The following GPR158 variants were observed in gnomAD, a reference collection of about 807,000 sequenced individuals.
GPR158 encodes the protein G protein-coupled receptor 158.
Under a neutral mutation model 78.2 loss-of-function variants are expected in GPR158, and 30 were observed. The ratio of observed to expected loss-of-function variants is 0.38; its 90% CI spans 0.29 to 0.52. The LOEUF (loss-of-function observed/expected upper bound fraction) is 0.52, where lower values mean the gene tolerates loss of function less well. Among genes scored for constraint, GPR158 ranks in the 20% least tolerant of loss-of-function variants. The pLI is 0.83. For missense variants in GPR158, 1,463 were observed against 1,523.5 expected (o/e 0.96, Z 0.66); for synonymous variants, 581 against 591.1 (o/e 0.98, Z 0.25).
rs111953710 is a variant in GPR158, at chr10:25,364,612, A to T, written c.1009-31299A>T. Among the ~76,000 whole-genome samples, 1,069 of 151,960 alleles carry T rather than the reference A, an allele frequency of 7.0e-3. 6 individuals are homozygous for T. Among genetic ancestry groups the T allele is most frequent in the Non-Finnish European group, 0.011 (769 of 67,878 alleles). On this transcript the variant is annotated intron_variant, in intron 2 of 10. Transcript: ENST00000376351. The stretch of plus-strand genomic sequence containing the variant: ...TATTATTTCTGATTCTGTATTCAGA[A>T]TGGTACTTTTAAGAGTTTCTCAGTG...
At chr10:25,316,935 A>AT (rs1854863111) in intron 2 of GPR158, among the ~76,000 whole-genome samples, 1 of 148,424 alleles carries the variant, frequency 6.7e-6, no homozygotes, top group Admixed American at 6.8e-5. Flanking sequence ...ATGTGTGTGT[A>AT]TATATATATA....
At chr10:25,538,471 A>G (rs1836529920) in intron 5 of GPR158, among the ~76,000 whole-genome samples, 1 of 152,122 alleles carries the variant, frequency 6.6e-6, no homozygotes, top group Non-Finnish European at 1.5e-5. Flanking sequence ...ACATATATAT[A>G]CACACAAATG....
At chr10:25,535,031 G>A (rs1836481665) in intron 5 of GPR158, among the ~76,000 whole-genome samples, 1 of 152,142 alleles carries the variant, frequency 6.6e-6, no homozygotes, top group Non-Finnish European at 1.5e-5. Context: ...CTCCTTTAAA[G>A]TAGTTTTTCA....
chr10:25,431,493 G>C (rs1414398922), intron 4 of GPR158, among the ~76,000 whole-genome samples: 1 of 141,722 alleles, frequency 7.1e-6, no homozygotes, highest in East Asian at 2.0e-4. Flanking sequence ...ATTTGACCCA[G>C]CCATCCCATT....
At chr10:25,401,141 T>C (rs1265032933) in intron 3 of GPR158, among the ~76,000 whole-genome samples, 1 of 152,146 alleles carries the variant, frequency 6.6e-6, no homozygotes, top group African/African-American at 2.4e-5. Flanking sequence ...GGACATTTGC[T>C]TTCTGTAGAC....
At chr10:25,437,582 A>G (rs1835013656) in intron 4 of GPR158, among the ~76,000 whole-genome samples, 1 of 152,236 alleles carries the variant, frequency 6.6e-6, no homozygotes, top group Non-Finnish European at 1.5e-5. Flanking sequence ...CTGTCTATTC[A>G]TATGGAAAAA....
intron 2 of GPR158, among the ~76,000 whole-genome samples, chr10:25,355,348 A>G (rs1043767643): frequency 6.6e-6 from 1 of 152,036 alleles, no homozygotes; most frequent in Admixed American, 6.6e-5. Context: ...TGTATTTGTC[A>G]GTTTTAAGGT....
intron 5 of GPR158, among the ~76,000 whole-genome samples, chr10:25,489,869 A>C (rs1192418530): frequency 2.0e-5 from 3 of 152,122 alleles, no homozygotes; most frequent in Admixed American, 1.3e-4. Flanking sequence ...ACAAATTAGA[A>C]ATATAAATGT....
rs151115510 is a variant in GPR158, at chr10:25,363,746, C to G, written c.1009-32165C>G. 3.9e-5 allele frequency among the ~76,000 whole-genome samples: 6 copies of G among 151,902 alleles called. No individual in the cohort carries two copies. The East Asian group carries it at 1.2e-3, about 30-fold the overall frequency. ...GTGGTGCCTGCTTCTTAATGCTGTC[C>G]CTGATCCTCAGTTCAAGCACTTAGG... On this transcript the variant is annotated intron_variant, in intron 2 of 10. Transcript: ENST00000376351.
chr10:25,185,006 A>T (rs1852661607), intron 1 of GPR158, among the ~76,000 whole-genome samples: 1 of 152,178 alleles, frequency 6.6e-6, no homozygotes, highest in Admixed American at 6.5e-5. Context: ...TCACTGTAAG[A>T]TGTTCAGCAG....
rs1230467976 is a variant in GPR158 at position 25,241,315 on chromosome 10, TC to T, written c.1008+20159del. Among the ~76,000 whole-genome samples the T allele has an allele frequency of 2.9e-3, 399 of 135,510 alleles. 19 individuals are homozygous for T. Among genetic ancestry groups the T allele is most frequent in the African/African-American group, 0.012 (378 of 30,692 alleles). The allele number at this position is 135,510 out of a possible 152,430, so 88.9% of individuals were successfully genotyped here. On this transcript the variant is annotated intron_variant, in intron 2 of 10. Coordinates refer to ENST00000376351, the MANE Select transcript of GPR158 (RefSeq NM_020752.3). ...TTTTCTTTTCTTTTCTTTTCTTTTC[TC>T]TTCTCTTCTCTTCTCTTCTCTTTTC...
intron 2 of GPR158, among the ~76,000 whole-genome samples, chr10:25,238,244 C>T (rs1853554279): frequency 6.6e-6 from 1 of 152,210 alleles, no homozygotes; most frequent in Non-Finnish European, 1.5e-5. Context: ...TCCACACTCA[C>T]TCCCACCTCC....
chr10:25,244,437 A>G (rs1853663303), intron 2 of GPR158: 1 of 152,090 alleles, frequency 6.6e-6, no homozygotes, highest in African/African-American at 2.4e-5. Context: ...GAAGTTAACA[A>G]CTCTATAGTG....
intron 4 of GPR158, among the ~76,000 whole-genome samples, chr10:25,433,570 T>TAC (rs1554803628): frequency 1.0e-4 from 13 of 128,746 alleles, no homozygotes; most frequent in African/African-American, 3.7e-4. Context: ...TGTGTGTGTG[T>TAC]GCGCGCGCGC....
intron 2 of GPR158, among the ~76,000 whole-genome samples, chr10:25,265,560 C>T (rs555035871): frequency 6.6e-6 from 1 of 152,244 alleles, no homozygotes; most frequent in Non-Finnish European, 1.5e-5. Flanking sequence ...AGTTAAGGTA[C>T]TTCTACTCTT....
Position 25,597,996 on chromosome 10 carries a change from G to T in GPR158, c.2370G>T (p.Lys790Asn), listed in dbSNP as rs758792095. 10 of 1,614,012 alleles carry T rather than the reference G, an allele frequency of 6.2e-6. No individual in the cohort carries two copies. Among genetic ancestry groups the T allele is most frequent in the Non-Finnish European group, 7.6e-6 (9 of 1,180,020 alleles). Residue 790 changes from lysine to asparagine, a missense_variant, in exon 11 of 11, where the codon AAG becomes AAT. Lys to Asn is a moderately conservative substitution (Grantham distance 94). Coordinates refer to ENST00000376351, the MANE Select transcript of GPR158 (RefSeq NM_020752.3). Reference protein sequence around the residue: ...GTAKGTALIRKNPPESSGNTG... With the variant: ...GTAKGTALIRNNPPESSGNTG... ...CCAAAGGCACTGCCCTCATCAGGAA[G>T]AACCCCCCAGAGTCTTCAGGGAACA...
chr10:25,190,766 A>G (rs1456344083), intron 1 of GPR158, among the ~76,000 whole-genome samples: 1 of 152,230 alleles, frequency 6.6e-6, no homozygotes, highest in African/African-American at 2.4e-5. Flanking sequence ...CATGATAAAA[A>G]AGAATGTTTA....
At chr10:25,399,349 A>G (rs1834410454) in intron 3 of GPR158, among the ~76,000 whole-genome samples, 1 of 152,204 alleles carries the variant, frequency 6.6e-6, no homozygotes, top group Non-Finnish European at 1.5e-5. Flanking sequence ...GTGAGACAGT[A>G]TTAACGCCCA....
At chr10:25,411,865 C>T (rs995118106) in intron 3 of GPR158, among the ~76,000 whole-genome samples, 26 of 135,908 alleles carry the variant, frequency 1.9e-4, no homozygotes, top group African/African-American at 7.1e-4. Flanking sequence ...ACCCAGGAGG[C>T]GGAGCTTGCA....
Sources: gnomAD v4.1 joint callset for allele counts (sites outside exome capture counted in the v4.1 genomes callset) on GRCh38, gnomAD v4.1.1 for gene constraint, MANE v1.5 for transcripts, NCBI Gene and HGNC (gene_info 2026-07-23, HGNC 2026-07-21) for gene names.